The following GRM7 variants were observed in gnomAD, a reference collection of about 807,000 sequenced individuals.
The protein encoded by GRM7 is metabotropic glutamate receptor 7.
GRM7 carries 35 observed loss-of-function variants against 84.5 expected under a neutral mutation model. The observed-to-expected ratio is 0.41, with a 90% CI of 0.32 to 0.55. The LOEUF is 0.55. Among genes scored for constraint, GRM7 ranks in the 20% least tolerant of loss-of-function variants. GRM7 has a pLI of 0.19. For missense variants in GRM7, 1,003 were observed against 1,194.6 expected (o/e 0.84, Z 2.36); for synonymous variants, 487 against 455.1 (o/e 1.07, Z -0.89).
intron 1 of GRM7, among the ~76,000 whole-genome samples, chr3:6,943,263 A>T (rs935093527): frequency 6.6e-6 from 1 of 151,758 alleles, no homozygotes; most frequent in African/African-American, 2.4e-5. Flanking sequence ...AAAAGAAAAA[A>T]TTTTTGTGTG....
intron 2 of GRM7, among the ~76,000 whole-genome samples, chr3:7,276,793 T>C (rs202002685): frequency 0.073 from 225 of 3,068 alleles, 5 homozygotes; most frequent in South Asian, 0.21. Flanking sequence ...CTTCCTTCCT[T>C]CCTTCCTTCC....
chr3:7,523,318 T>C (rs1700669443), intron 7 of GRM7, among the ~76,000 whole-genome samples: 1 of 152,184 alleles, frequency 6.6e-6, no homozygotes, highest in South Asian at 2.1e-4. Context: ...TGAAATTGCC[T>C]ATTTCCTCTC....
intron 8 of GRM7, among the ~76,000 whole-genome samples, chr3:7,668,860 A>G (rs930359548): frequency 6.6e-6 from 1 of 152,256 alleles, no homozygotes; most frequent in African/African-American, 2.4e-5. Flanking sequence ...TCCAGGTACT[A>G]AGATGCAAGA....
intron 7 of GRM7, among the ~76,000 whole-genome samples, chr3:7,551,153 T>C (rs1044639998): frequency 1.3e-5 from 2 of 152,230 alleles, no homozygotes; most frequent in Admixed American, 1.3e-4. Context: ...AATATTTATA[T>C]AGCACACACT....
At chr3:7,458,425 G>A (rs1205849897) in intron 6 of GRM7, among the ~76,000 whole-genome samples, 1 of 152,118 alleles carries the variant, frequency 6.6e-6, no homozygotes, top group African/African-American at 2.4e-5. Context: ...AGAAGTTCAT[G>A]GATGCTGTTA....
At chr3:7,642,695 G>A (rs1698419862) in intron 8 of GRM7, among the ~76,000 whole-genome samples, 1 of 152,080 alleles carries the variant, frequency 6.6e-6, no homozygotes. Context: ...AGTCTCACTT[G>A]AATTTATTCG....
At chr3:7,025,672 C>T (rs979599322) in intron 1 of GRM7, among the ~76,000 whole-genome samples, 5 of 152,144 alleles carry the variant, frequency 3.3e-5, no homozygotes, top group African/African-American at 9.7e-5. Flanking sequence ...TGGTATTTTC[C>T]GTTGATAGCC....
At chr3:7,204,622 A>G (rs1481546164) in intron 2 of GRM7, among the ~76,000 whole-genome samples, 3 of 152,206 alleles carry the variant, frequency 2.0e-5, no homozygotes, top group Non-Finnish European at 2.9e-5. Flanking sequence ...AATGAGTGCT[A>G]GGTGGGCAAA....
intron 1 of GRM7, among the ~76,000 whole-genome samples, chr3:7,019,744 C>T (rs764097244): frequency 6.6e-6 from 1 of 152,138 alleles, no homozygotes; most frequent in Non-Finnish European, 1.5e-5. Flanking sequence ...CTGTGAAGAA[C>T]TGGAAATAGC....
chr3:7,299,894 G>A (rs1699938279), intron 3 of GRM7, among the ~76,000 whole-genome samples: 1 of 151,966 alleles, frequency 6.6e-6, no homozygotes, highest in Admixed American at 6.6e-5. Flanking sequence ...ACAAATCTGT[G>A]TGTATAAATA....
chr3:7,025,317 G>C (rs778222361), intron 1 of GRM7, among the ~76,000 whole-genome samples: 3 of 152,160 alleles, frequency 2.0e-5, no homozygotes, highest in Non-Finnish European at 4.4e-5. Flanking sequence ...TTAGGATGTG[G>C]ACATCTCTGG....
intron 1 of GRM7, among the ~76,000 whole-genome samples, chr3:6,909,280 G>T (rs1270043179): frequency 6.6e-6 from 1 of 152,088 alleles, no homozygotes; most frequent in Admixed American, 6.6e-5. Flanking sequence ...CCTTTGATTG[G>T]TGGTTACTCC....
At chr3:7,299,762 A>G (rs1394076322) in intron 3 of GRM7, among the ~76,000 whole-genome samples, 1 of 152,144 alleles carries the variant, frequency 6.6e-6, no homozygotes, top group African/African-American at 2.4e-5. Flanking sequence ...TTCAATAGCC[A>G]GGCAGAATTT....
At chr3:7,679,795 CT>C (rs1700287788) in intron 8 of GRM7, among the ~76,000 whole-genome samples, 1 of 152,178 alleles carries the variant, frequency 6.6e-6, no homozygotes, top group Non-Finnish European at 1.5e-5. Flanking sequence ...TAAAGGTTTA[CT>C]CTGAACTTTA....
chr3:7,652,715 G>A (rs9877193), intron 8 of GRM7, among the ~76,000 whole-genome samples: 67,600 of 151,982 alleles, frequency 0.44, 16,233 homozygotes, highest in African/African-American at 0.64. Context: ...GGTTGGCCAT[G>A]CCAGTCAAAA....
At chr3:7,160,045 A>G (rs1453245914) in intron 2 of GRM7, among the ~76,000 whole-genome samples, 3 of 152,142 alleles carry the variant, frequency 2.0e-5, no homozygotes, top group Admixed American at 2.0e-4. Flanking sequence ...TTGGGCTTTT[A>G]GGGATCAGGA....
chr3:7,123,991 C>A (rs1206748242), intron 1 of GRM7, among the ~76,000 whole-genome samples: 1 of 152,094 alleles, frequency 6.6e-6, no homozygotes, highest in Non-Finnish European at 1.5e-5. Flanking sequence ...TGCCAGCCTG[C>A]CTTTATCTTG....
At chr3:7,644,196 A>G (rs967195978) in intron 8 of GRM7, among the ~76,000 whole-genome samples, 34 of 3,192 alleles carry the variant, frequency 0.011, no homozygotes, top group African/African-American at 0.076. Flanking sequence ...GTCTGTACGT[A>G]TATATATATG....
chr3:7,018,236 C>T (rs1057137287), intron 1 of GRM7, among the ~76,000 whole-genome samples: 3 of 151,980 alleles, frequency 2.0e-5, no homozygotes, highest in African/African-American at 4.8e-5. Context: ...CTTTGAAATT[C>T]GGTGCATATT....
Sources: gnomAD v4.1 joint callset for allele counts (sites outside exome capture counted in the v4.1 genomes callset) on GRCh38, gnomAD v4.1.1 for gene constraint, MANE v1.5 for transcripts, NCBI Gene and HGNC (gene_info 2026-07-23, HGNC 2026-07-21) for gene names.